The following ANK2 variants were observed in gnomAD, a reference collection of about 807,000 sequenced individuals.
ANK2 encodes ankyrin-2.
ANK2 carries 83 observed loss-of-function variants against 360.5 expected under a neutral mutation model. That is an observed-to-expected ratio of 0.23 (90% CI 0.19 to 0.28). The LOEUF (loss-of-function observed/expected upper bound fraction) is 0.28, where lower values mean the gene tolerates loss of function less well. Ranked by LOEUF, ANK2 falls within the 10% of genes least tolerant of loss-of-function variation. The pLI, the probability that ANK2 is intolerant of heterozygous loss-of-function variation, is 1.00. For missense variants in ANK2, 4,201 were observed against 4,795.7 expected, an observed-to-expected ratio of 0.88 and a Z score of 3.66; for synonymous variants, 1,740 against 1,759.5, an observed-to-expected ratio of 0.99 and a Z score of 0.28.
intron 24 of ANK2, chr4:113,313,797 AGGGGGAGCGGT>A (rs2081361171): frequency 1.5e-4 from 1 of 6,506 alleles, no homozygotes; most frequent in Non-Finnish European, 3.0e-4. Flanking sequence ...GCGGGGGGTG[AGGGGGAGCGGT>A]GGGGGAGTGG....
chr4:112,740,417 T>G, the ANK2 span, among the ~76,000 whole-genome samples: 5 of 151,920 alleles, frequency 3.3e-5, 1 homozygote, highest in South Asian at 1.0e-3. Context: ...TAAAAAAATT[T>G]GGGGCGGCTG....
In ANK2 at chr4:113,007,142, T is replaced by G. The variant is rs2053162758; in HGVS notation, c.21+102628T>G. Among the ~76,000 whole-genome samples the G allele has an allele frequency of 3.3e-5, 5 of 152,228 alleles. No individual in the cohort carries two copies. The South Asian group carries it at 1.0e-3, about 31-fold the overall frequency. ...TTTGGGTACATACTTTGCTCAAATG[T>G]TATTTACTTATTTTAACTTATAATA... On this transcript the variant is annotated intron_variant, in intron 2 of 30. Transcript: ENST00000503271.
intron 2 of ANK2, among the ~76,000 whole-genome samples, chr4:113,038,473 C>T (rs7674202): frequency 0.84 from 127,760 of 151,896 alleles, 54,146 homozygotes; most frequent in East Asian, 0.98. Context: ...TAGTATAGTA[C>T]GCAAAGTCAG....
At chr4:113,018,702 T>C (rs2057295140) in intron 2 of ANK2, among the ~76,000 whole-genome samples, 1 of 152,212 alleles carries the variant, frequency 6.6e-6, no homozygotes, top group African/African-American at 2.4e-5. Context: ...GGTGTTTCTC[T>C]AGGTTGTTCT....
chr4:112,712,598 G>A, the ANK2 span, among the ~76,000 whole-genome samples: 2 of 150,332 alleles, frequency 1.3e-5, no homozygotes, highest in Non-Finnish European at 3.0e-5. Flanking sequence ...TAGTAGAGAT[G>A]GGGTTTCACC....
the ANK2 span, among the ~76,000 whole-genome samples, chr4:112,812,847 C>T: frequency 6.6e-6 from 1 of 152,142 alleles, no homozygotes; most frequent in African/African-American, 2.4e-5. Context: ...AGACAATGTG[C>T]TAAGCTCATC....
chr4:113,034,920 A>G (rs980465293), intron 2 of ANK2: 2 of 151,972 alleles, frequency 1.3e-5, no homozygotes, highest in African/African-American at 4.8e-5. Context: ...CAGAGAACAA[A>G]TGTTTCTGTG....
At chr4:112,881,840 A>C in intron 1 of ANK2, 1 of 926,306 alleles carries the variant, frequency 1.1e-6, no homozygotes, top group South Asian at 1.3e-5. Context: ...TCTTTTTCAC[A>C]GTTAAGTGGG....
chr4:113,228,124 G>T lies in ANK2; in HGVS notation c.385-4037G>T, dbSNP rs75876609. 3.0e-3 allele frequency among the ~76,000 whole-genome samples: 455 copies of T among 152,258 alleles called. 3 individuals carry two copies. Among genetic ancestry groups the T allele is most frequent in the African/African-American group, 0.01 (426 of 41,546 alleles). On this transcript the variant is annotated intron_variant, in intron 4 of 45. Coordinates refer to ENST00000357077, the MANE Select transcript of ANK2 (RefSeq NM_001148.6). Reference sequence around the variant, plus strand: ...GCTCTAACCAAGATCTTGAATGTTTGTCTATCATTACTCTTCTCCCCATAT... The same window carrying T: ...GCTCTAACCAAGATCTTGAATGTTTTTCTATCATTACTCTTCTCCCCATAT...
intron 2 of ANK2, among the ~76,000 whole-genome samples, chr4:112,915,966 T>G (rs1055973381): frequency 6.6e-5 from 10 of 152,198 alleles, no homozygotes; most frequent in East Asian, 5.8e-4. Context: ...AAAATTAATA[T>G]ATGCAAAAAG....
At chr4:113,314,994 G>T (rs956289364) in intron 24 of ANK2, among the ~76,000 whole-genome samples, 5 of 151,186 alleles carry the variant, frequency 3.3e-5, no homozygotes, top group Non-Finnish European at 4.4e-5. Context: ...CACTCTCTGT[G>T]TACATATCCT....
intron 4 of ANK2, among the ~76,000 whole-genome samples, chr4:113,215,887 T>C (rs1019759649): frequency 4.2e-4 from 64 of 152,326 alleles, no homozygotes; most frequent in Middle Eastern, 6.8e-3. Context: ...TCATAACTAA[T>C]ATTTTTAATT....
At chr4:113,034,127 G>A (rs1209026725) in intron 2 of ANK2, 4 of 151,946 alleles carry the variant, frequency 2.6e-5, no homozygotes, top group Admixed American at 1.3e-4. Context: ...TATTGGAGTA[G>A]GAATACCTTG....
chr4:112,708,160 C>T, the ANK2 span, among the ~76,000 whole-genome samples: 35 of 152,146 alleles, frequency 2.3e-4, no homozygotes, highest in Admixed American at 3.9e-4. Context: ...AAGGGAAAAC[C>T]GTGTTGTTCT....
rs1316538218 is a variant in ANK2 at position 113,236,942 on chromosome 4, C to T, written c.484-45C>T. On this transcript the variant is annotated intron_variant, in intron 5 of 45. Transcript: ENST00000357077. ...TCATTGCTTAGAACTAAATCTCTAG[C>T]ATCTGAAGATGTTAACAGACAATTT... 1.9e-6 allele frequency: 3 copies of T among 1,577,578 alleles called. No homozygotes were observed. The African/African-American group carries it at 4.0e-5, about 21-fold the overall frequency.
At chr4:112,988,681 T>C (rs1480971365) in intron 2 of ANK2, among the ~76,000 whole-genome samples, 1 of 152,342 alleles carries the variant, frequency 6.6e-6, no homozygotes, top group Middle Eastern at 3.4e-3. Context: ...ACCTGAAATA[T>C]GTACAATGCC....
intron 2 of ANK2, among the ~76,000 whole-genome samples, chr4:113,181,174 C>A (rs954269304): frequency 2.0e-5 from 3 of 152,204 alleles, no homozygotes; most frequent in African/African-American, 7.2e-5. Flanking sequence ...TGTGACTCTT[C>A]TTTCATTTTA....
chr4:113,101,433 T>A (rs2092816258), intron 1 of ANK2, among the ~76,000 whole-genome samples: 1 of 152,188 alleles, frequency 6.6e-6, no homozygotes, highest in African/African-American at 2.4e-5. Context: ...AAGGGATGTG[T>A]CAAATTCTAG....
Position 113,358,570 on chromosome 4 carries a change from T to C in ANK2, c.9952T>C (p.Ser3318Pro), listed in dbSNP as rs1394381582. The change falls in exon 38 of 46, where the codon TCT (serine) becomes CCT (proline). Residue 3318 changes from serine (S) to proline (P), a missense_variant. Physicochemically the swap from Ser to Pro is moderately conservative, Grantham distance 74. This residue lies in a region of ANK2 where 2,642 missense variants were observed against 2,714.5 expected (regional missense o/e 0.97). Transcript: ENST00000357077. ...TMPTSTPAPPSAEYESSVSED... is the reference protein window; with the variant it reads ...TMPTSTPAPPPAEYESSVSED... ...GCCCACTTCCACCCCAGCACCTCCA[T>C]CTGCAGAGTATGAGAGTTCAGTTTC... is the stretch of plus-strand genomic sequence containing the variant. The C allele has an allele frequency of 6.2e-7, 1 of 1,613,938 alleles. No homozygotes were observed. The highest frequency in any genetic ancestry group is 8.5e-7 in the Non-Finnish European group (1 of 1,179,962).
Sources: gnomAD v4.1 joint callset for allele counts (sites outside exome capture counted in the v4.1 genomes callset) on GRCh38, gnomAD v4.1.1 for gene constraint, gnomAD v4.1.1 regional missense constraint, MANE v1.5 for transcripts, NCBI Gene and HGNC (gene_info 2026-07-23, HGNC 2026-07-21) for gene names.